Variants in UBAC2 observed in about 807,000 individuals in gnomAD.
UBAC2 encodes the protein ubiquitin-associated domain-containing protein 2.
A neutral mutation model predicts 44.0 loss-of-function variants in UBAC2; 26 were observed. The observed-to-expected ratio is 0.59, with a 90% CI of 0.43 to 0.82. The LOEUF is 0.82. Among genes scored for constraint, UBAC2 ranks in the 40% least tolerant of loss-of-function variants. The probability of loss-of-function intolerance (pLI) is 0.00; values close to 1 mark genes in which losing one functional copy is unlikely to be tolerated. For synonymous variants in UBAC2, 155 were observed against 154.3 expected (o/e 1.00, Z -0.04); for missense variants, 329 against 419.4 (o/e 0.78, Z 1.88).
At chr13:99,254,317 G>A (rs1027902070) in intron 4 of UBAC2, among the ~76,000 whole-genome samples, 1 of 152,200 alleles carries the variant, frequency 6.6e-6, no homozygotes, top group Non-Finnish European at 1.5e-5. Context: ...AGTGTTTGTT[G>A]AATGACTATT....
chr13:99,218,507 T>TC (rs1566451937), intron 1 of UBAC2, among the ~76,000 whole-genome samples: 3 of 149,906 alleles, frequency 2.0e-5, no homozygotes, highest in Non-Finnish European at 3.0e-5. Flanking sequence ...TTTTTTTTTT[T>TC]CCCTGGAAAC....
intron 8 of UBAC2, among the ~76,000 whole-genome samples, chr13:99,383,662 C>T (rs575637584): frequency 6.6e-6 from 1 of 152,270 alleles, no homozygotes; most frequent in Non-Finnish European, 1.5e-5. Flanking sequence ...TTGAAAGCAA[C>T]GTTCCGGGGA....
At position 99,295,186 on chromosome 13, in the gene UBAC2, C is replaced by T. The variant is rs778346385; in HGVS notation, c.390-18911C>T. 1 of 1,614,162 alleles carries T rather than the reference C, an allele frequency of 6.2e-7. No individual in the cohort carries two copies. Among genetic ancestry groups the T allele is most frequent in the Non-Finnish European group, 8.5e-7 (1 of 1,180,014 alleles). On this transcript the variant is annotated intron_variant, in intron 4 of 8. Coordinates refer to ENST00000403766, the MANE Select transcript of UBAC2 (RefSeq NM_001144072.2). This position sits in a 1 kb window ranked among gnomAD's most constrained non-coding sequence, Gnocchi z 4.1. ...CACTGACTTGCCGTTTCAGCATCCT[C>T]ATAACCTTTCTCTTATACCCTTTAC...
intron 1 of UBAC2, among the ~76,000 whole-genome samples, chr13:99,218,308 T>C (rs751289142): frequency 6.6e-6 from 1 of 152,192 alleles, no homozygotes; most frequent in Non-Finnish European, 1.5e-5. Flanking sequence ...CCCAGTGCCT[T>C]TGCTGACTTG....
chr13:99,285,912 A>G (rs1245928849), intron 4 of UBAC2, among the ~76,000 whole-genome samples: 2 of 152,124 alleles, frequency 1.3e-5, no homozygotes, highest in African/African-American at 4.8e-5. Flanking sequence ...ACGGGGTGCC[A>G]GAGTTCACAG....
chr13:99,325,800 C>A (rs1175539450), intron 6 of UBAC2, among the ~76,000 whole-genome samples: 1 of 152,160 alleles, frequency 6.6e-6, no homozygotes, highest in Non-Finnish European at 1.5e-5. Flanking sequence ...TTTGTCTTTC[C>A]GTGACTGGCT....
In UBAC2 at chr13:99,364,264, G is replaced by A. The variant is rs1594173332; in HGVS notation, c.808-3523G>A. 2.6e-5 allele frequency among the ~76,000 whole-genome samples: 4 copies of A among 151,230 alleles called. No individual in the cohort carries two copies. The South Asian group carries it at 8.4e-4, about 32-fold the overall frequency. On this transcript the variant is annotated intron_variant, in intron 7 of 8. Coordinates refer to ENST00000403766, the MANE Select transcript of UBAC2 (RefSeq NM_001144072.2). ...GTCAAATTGTTTTCATACCTATTGA[G>A]ATGAGCGTTTGATTTTTCTCCTTCA...
chr13:99,245,555 A>G (rs1380017065), intron 4 of UBAC2, among the ~76,000 whole-genome samples: 2 of 152,194 alleles, frequency 1.3e-5, no homozygotes, highest in Admixed American at 1.3e-4. Flanking sequence ...CATCTCAAAC[A>G]AACAAACAAA....
At chr13:99,327,210 A>G (rs964560578) in intron 6 of UBAC2, among the ~76,000 whole-genome samples, 2 of 152,214 alleles carry the variant, frequency 1.3e-5, no homozygotes, top group African/African-American at 4.8e-5. Flanking sequence ...ACATTCAGAG[A>G]AAACTTAAAG....
At chr13:99,209,516 C>T (rs933190852) in intron 1 of UBAC2, among the ~76,000 whole-genome samples, 1 of 152,160 alleles carries the variant, frequency 6.6e-6, no homozygotes, top group Admixed American at 6.5e-5. Flanking sequence ...AACTGTTTGG[C>T]TCTCTTCTTT....
chr13:99,327,349 T>C (rs577364482), intron 6 of UBAC2, among the ~76,000 whole-genome samples: 28 of 152,376 alleles, frequency 1.8e-4, no homozygotes, highest in Non-Finnish European at 3.5e-4. Flanking sequence ...TAGATTATCA[T>C]GTCCGTTGCA....
chr13:99,332,911 T>C (rs1217934188), intron 6 of UBAC2, among the ~76,000 whole-genome samples: 1 of 150,192 alleles, frequency 6.7e-6, no homozygotes, highest in Non-Finnish European at 1.5e-5. Flanking sequence ...AGAGGGTCTA[T>C]GGATTTCAAG....
intron 4 of UBAC2, among the ~76,000 whole-genome samples, chr13:99,300,807 C>T (rs2044246984): frequency 1.3e-5 from 2 of 152,214 alleles, no homozygotes; most frequent in Non-Finnish European, 2.9e-5. Flanking sequence ...TGCTGGGTTC[C>T]TCCTCATACA....
chr13:99,297,970 G>A lies in UBAC2; in HGVS notation c.390-16127G>A, dbSNP rs148039645. 5.9e-4 allele frequency among the ~76,000 whole-genome samples: 90 copies of A among 152,104 alleles called. 1 individual carries two copies. The East Asian group carries it at 0.015, about 25-fold the overall frequency. On this transcript the variant is annotated intron_variant, in intron 4 of 8. Coordinates refer to ENST00000403766, the MANE Select transcript of UBAC2 (RefSeq NM_001144072.2). ...AACATCAGAAAAAATAGAATTCAAG[G>A]CAAATTCAATATTAATAGGAATACA...
At chr13:99,340,282 C>T in intron 6 of UBAC2, 38 bp from the exon 7 acceptor site, 2 of 1,515,584 alleles carry the variant, frequency 1.3e-6, no homozygotes, top group Non-Finnish European at 1.8e-6. Context: ...TAAAATAATA[C>T]TACATTTAAA....
In UBAC2 at chr13:99,238,442, CG is replaced by C; in HGVS notation, c.48del (p.Lys17ArgfsTer41). 1 of 1,613,694 alleles carries C rather than the reference CG, an allele frequency of 6.2e-7. No individual in the cohort carries two copies. The highest frequency in any genetic ancestry group is 1.1e-5 in the South Asian group (1 of 91,058). On this transcript the variant is annotated frameshift_variant, in exon 2 of 9. Coordinates refer to ENST00000403766, the MANE Select transcript of UBAC2 (RefSeq NM_001144072.2). LOFTEE classifies it high-confidence loss of function. ...TTCCCTCCAGACAAGGCGCCTCTGT[CG>C]AAGAGCCTTCTGCTGGTCCCCAGTG... ...GSSGLYKAPL[S>X]KSLLLVPSAL...
intron 8 of UBAC2, among the ~76,000 whole-genome samples, chr13:99,379,199 T>G (rs577919885): frequency 1.3e-5 from 2 of 152,384 alleles, no homozygotes; most frequent in South Asian, 2.1e-4. Context: ...TTTACGCTTA[T>G]GCATGCCTGC....
At position 99,298,133 on chromosome 13, in the gene UBAC2, A is replaced by G. The variant is rs530728038; in HGVS notation, c.390-15964A>G. On this transcript the variant is annotated intron_variant, in intron 4 of 8. Coordinates refer to ENST00000403766, the MANE Select transcript of UBAC2 (RefSeq NM_001144072.2). Reference sequence around the variant, plus strand: ...CACAACCATGGTGGGAGATCTTAACACATTTCTATTATGATGTGCTAGATA... The same window carrying G: ...CACAACCATGGTGGGAGATCTTAACGCATTTCTATTATGATGTGCTAGATA... 3.6e-4 allele frequency among the ~76,000 whole-genome samples: 55 copies of G among 152,320 alleles called. No homozygotes were observed. The South Asian group carries it at 0.01, about 28-fold the overall frequency.
intron 6 of UBAC2, among the ~76,000 whole-genome samples, chr13:99,324,626 A>G (rs1457642753): frequency 2.6e-5 from 4 of 152,264 alleles, no homozygotes; most frequent in Non-Finnish European, 4.4e-5. Context: ...ATTAGCCCTC[A>G]TAAAAACCTG....
Sources: gnomAD v4.1 joint callset for allele counts (sites outside exome capture counted in the v4.1 genomes callset) on GRCh38, gnomAD v4.1.1 for gene constraint, Gnocchi (gnomAD v3.1) non-coding constraint, MANE v1.5 for transcripts, NCBI Gene and HGNC (gene_info 2026-07-23, HGNC 2026-07-21) for gene names.